The following ATP1B3 variants were observed in gnomAD, a reference collection of about 807,000 sequenced individuals.
ATP1B3 encodes sodium/potassium-transporting ATPase subunit beta-3.
Under a neutral mutation model 30.2 loss-of-function variants are expected in ATP1B3, and 10 were observed. That is an observed-to-expected ratio of 0.33 (90% CI 0.20 to 0.56). ATP1B3 has a LOEUF of 0.56. Among genes scored for constraint, ATP1B3 ranks in the 20% least tolerant of loss-of-function variants. The pLI is 0.90. For missense variants in ATP1B3, 238 were observed against 336.7 expected (o/e 0.71, Z 2.29); for synonymous variants, 113 against 117.0 (o/e 0.97, Z 0.22).
At chr3:141,920,951 C>T (rs546093057) in intron 5 of ATP1B3, among the ~76,000 whole-genome samples, 1 of 152,270 alleles carries the variant, frequency 6.6e-6, no homozygotes, top group Non-Finnish European at 1.5e-5. Flanking sequence ...CACCCCACCC[C>T]ACAGCCATAT....
At chr3:141,896,512 G>A (rs889753009) in intron 1 of ATP1B3, among the ~76,000 whole-genome samples, 1 of 152,062 alleles carries the variant, frequency 6.6e-6, no homozygotes, top group African/African-American at 2.4e-5. Context: ...GCAGCAGAAC[G>A]AGACCCTGTC....
At chr3:141,906,064 A>G (rs943582336) in intron 2 of ATP1B3, among the ~76,000 whole-genome samples, 2 of 151,670 alleles carry the variant, frequency 1.3e-5, no homozygotes, top group Non-Finnish European at 2.9e-5. Flanking sequence ...TTATATACAT[A>G]TAATATGTAT....
chr3:141,886,038 G>A (rs1933826836), intron 1 of ATP1B3, among the ~76,000 whole-genome samples: 2 of 152,136 alleles, frequency 1.3e-5, no homozygotes, highest in South Asian at 4.1e-4. Flanking sequence ...GCCCACTGCT[G>A]TCGGGTTATT....
chr3:141,886,192 CT>C (rs1420444615), intron 1 of ATP1B3, among the ~76,000 whole-genome samples: 2 of 152,108 alleles, frequency 1.3e-5, no homozygotes, highest in Non-Finnish European at 2.9e-5. Context: ...GTTTCCAACC[CT>C]AAGTAACCCA....
chr3:141,924,560 A>G (rs1040292006), intron 6 of ATP1B3, among the ~76,000 whole-genome samples: 1 of 152,162 alleles, frequency 6.6e-6, no homozygotes, highest in African/African-American at 2.4e-5. Flanking sequence ...GAGGCAGGGG[A>G]ATCGCTTGAA....
chr3:141,925,020 T>G (rs570978948), intron 6 of ATP1B3, among the ~76,000 whole-genome samples: 1 of 152,250 alleles, frequency 6.6e-6, no homozygotes, highest in East Asian at 1.9e-4. Context: ...ATCCTAGCAT[T>G]CTGGGAGGAC....
chr3:141,906,801 A>G (rs1045953156), intron 2 of ATP1B3, among the ~76,000 whole-genome samples: 1 of 152,240 alleles, frequency 6.6e-6, no homozygotes, highest in Non-Finnish European at 1.5e-5. Flanking sequence ...GATTTGCTCA[A>G]ATTTTTTTCC....
chr3:141,881,064 A>C (rs1162834651), intron 1 of ATP1B3, among the ~76,000 whole-genome samples: 3 of 152,108 alleles, frequency 2.0e-5, no homozygotes, highest in Non-Finnish European at 2.9e-5. Flanking sequence ...TTAGCCCGGC[A>C]TGGTGGCGGG....
At chr3:141,879,719 C>T (rs1933682715) in intron 1 of ATP1B3, among the ~76,000 whole-genome samples, 1 of 144,276 alleles carries the variant, frequency 6.9e-6, no homozygotes, top group Non-Finnish European at 1.5e-5. Flanking sequence ...GTGGAGGTTG[C>T]AGTGAGCTGA....
chr3:141,886,661 G>A (rs1443642334), intron 1 of ATP1B3, among the ~76,000 whole-genome samples: 1 of 152,118 alleles, frequency 6.6e-6, no homozygotes, highest in Non-Finnish European at 1.5e-5. Flanking sequence ...CTCTGTTAAA[G>A]CTTAGATAAC....
chr3:141,920,707 C>T (rs1934550825), intron 5 of ATP1B3, among the ~76,000 whole-genome samples: 2 of 152,086 alleles, frequency 1.3e-5, no homozygotes, highest in Admixed American at 6.6e-5. Flanking sequence ...ACTAGTTTTT[C>T]TCTAATATAA....
intron 1 of ATP1B3, 41 bp from the exon 2 acceptor site, chr3:141,903,579 C>T (rs1218187545): frequency 6.2e-7 from 1 of 1,609,386 alleles, no homozygotes; most frequent in South Asian, 1.1e-5. Flanking sequence ...TACACACACA[C>T]ACGCACGTGC....
At chr3:141,907,316 T>A in intron 3 of ATP1B3, 42 bp downstream of exon 3, 1 of 1,525,114 alleles carries the variant, frequency 6.6e-7, no homozygotes, top group Non-Finnish European at 9.0e-7. Context: ...ATTTTAGTTA[T>A]AGAAATTAGT....
At chr3:141,879,616 GAAAA>G (rs951191786) in intron 1 of ATP1B3, among the ~76,000 whole-genome samples, 1 of 139,010 alleles carries the variant, frequency 7.2e-6, no homozygotes. Context: ...TACTAAAAAT[GAAAA>G]AAAAAAAAAT....
chr3:141,902,906 A>G (rs1428605559), intron 1 of ATP1B3: 1 of 152,174 alleles, frequency 6.6e-6, no homozygotes, highest in Non-Finnish European at 1.5e-5. Context: ...TTTTTAAAAT[A>G]TATATTTTTT....
At position 141,876,703 on chromosome 3, in the gene ATP1B3, C is replaced by T. The variant is rs551856249; in HGVS notation, c.-99C>T. 23 of 834,828 alleles carry T rather than the reference C, an allele frequency of 2.8e-5. No homozygotes were observed. Among genetic ancestry groups the T allele is most frequent in the African/African-American group, 7.2e-5 (4 of 55,744 alleles). 51.7% of individuals were successfully genotyped at this position (834,828 alleles called of 1,614,324 possible). On this transcript the variant is annotated 5_prime_UTR_variant, in exon 1 of 7. Coordinates refer to ENST00000286371, the MANE Select transcript of ATP1B3 (RefSeq NM_001679.4). ...TCTCGGCCGTCCCACCCTTCACTGC[C>T]GTCTCCGGGCTGCGCCGCCGGAGCC...
At chr3:141,905,705 T>C (rs1168963069) in intron 2 of ATP1B3, among the ~76,000 whole-genome samples, 2 of 152,238 alleles carry the variant, frequency 1.3e-5, no homozygotes, top group African/African-American at 4.8e-5. Flanking sequence ...TGTTTTTTTC[T>C]ACCTCAGACT....
chr3:141,919,158 C>G (rs1246629745), intron 5 of ATP1B3: 1 of 152,010 alleles, frequency 6.6e-6, no homozygotes, highest in Non-Finnish European at 1.5e-5. Flanking sequence ...TTCTTTAGTT[C>G]TTTTATGTAA....
intron 1 of ATP1B3, among the ~76,000 whole-genome samples, chr3:141,881,964 A>C (rs577424144): frequency 6.6e-6 from 1 of 152,280 alleles, no homozygotes; most frequent in South Asian, 2.1e-4. Context: ...GGGTAAGTGT[A>C]TGTGTTGTGT....
Sources: gnomAD v4.1 joint callset for allele counts (sites outside exome capture counted in the v4.1 genomes callset) on GRCh38, gnomAD v4.1.1 for gene constraint, MANE v1.5 for transcripts, NCBI Gene and HGNC (gene_info 2026-07-23, HGNC 2026-07-21) for gene names.